The following LRRIQ1 variants were observed in gnomAD, a reference collection of about 807,000 sequenced individuals.
The protein encoded by LRRIQ1 is leucine rich repeats and IQ motif containing 1, also known as leucine-rich repeat- and IQ domain-containing protein 1.
LRRIQ1 carries 210 observed loss-of-function variants against 211.9 expected under a neutral mutation model. The ratio of observed to expected loss-of-function variants is 0.99; its 90% CI spans 0.89 to 1.11. LRRIQ1 has a LOEUF of 1.11. Ranked by LOEUF, LRRIQ1 falls within the 50% of genes most tolerant of loss-of-function variation. The probability of loss-of-function intolerance (pLI) is 0.00; values close to 1 mark genes in which losing one functional copy is unlikely to be tolerated. For missense variants in LRRIQ1, 2,136 were observed against 1,939.5 expected, an observed-to-expected ratio of 1.10 and a Z score of -1.90; for synonymous variants, 699 against 650.1, an observed-to-expected ratio of 1.08 and a Z score of -1.14.
intron 8 of LRRIQ1, among the ~76,000 whole-genome samples, chr12:85,058,347 C>T (rs777809129): frequency 2.6e-5 from 4 of 151,976 alleles, no homozygotes; most frequent in Non-Finnish European, 5.9e-5. Flanking sequence ...TTTTTCCTTG[C>T]GCATGTTATC....
chr12:85,095,797 C>CT (rs1048433246), intron 11 of LRRIQ1, among the ~76,000 whole-genome samples: 2 of 151,798 alleles, frequency 1.3e-5, no homozygotes, highest in Middle Eastern at 3.4e-3. Context: ...TTTAGTTTTT[C>CT]TTTTTTTTAA....
intron 26 of LRRIQ1, among the ~76,000 whole-genome samples, chr12:85,241,397 A>G (rs1895452148): frequency 6.6e-6 from 1 of 152,072 alleles, no homozygotes; most frequent in Admixed American, 6.6e-5. Flanking sequence ...TTATGAATTT[A>G]GGAGTATGCA....
chr12:85,094,458 C>T (rs1404896841), intron 11 of LRRIQ1, among the ~76,000 whole-genome samples: 1 of 152,062 alleles, frequency 6.6e-6, no homozygotes, highest in Non-Finnish European at 1.5e-5. Flanking sequence ...ACTGCTATAT[C>T]CTGTCCCATT....
At chr12:85,044,368 G>A (rs1010429259) in intron 3 of LRRIQ1, among the ~76,000 whole-genome samples, 1 of 151,786 alleles carries the variant, frequency 6.6e-6, no homozygotes, top group African/African-American at 2.4e-5. Flanking sequence ...GTCATGTCTG[G>A]TTTGTGGCAG....
chr12:85,173,558 C>A (rs956195072), intron 24 of LRRIQ1, among the ~76,000 whole-genome samples: 3 of 152,018 alleles, frequency 2.0e-5, no homozygotes, highest in Non-Finnish European at 2.9e-5. Context: ...CTTACATGTG[C>A]AAATACACTC....
chr12:85,262,865 T>C, intron 1 of LRRIQ1: 2 of 848,468 alleles, frequency 2.4e-6, no homozygotes, highest in Non-Finnish European at 2.8e-6. Flanking sequence ...TAAAATATAA[T>C]GTATTTGGTT....
intron 6 of LRRIQ1, chr12:85,047,780 A>G (rs1467686087): frequency 8.9e-6 from 2 of 225,554 alleles, no homozygotes; most frequent in Non-Finnish European, 1.7e-5. Flanking sequence ...GCTTCTAAAC[A>G]TTGGAAAAAG....
chr12:85,182,761 A>G (rs966400913), intron 24 of LRRIQ1, among the ~76,000 whole-genome samples: 2 of 152,182 alleles, frequency 1.3e-5, no homozygotes, highest in African/African-American at 4.8e-5. Context: ...CCAGGATAAA[A>G]TAAACATAAG....
chr12:85,232,131 C>A (rs1894971749), intron 25 of LRRIQ1, among the ~76,000 whole-genome samples: 1 of 151,668 alleles, frequency 6.6e-6, no homozygotes, highest in African/African-American at 2.4e-5. Flanking sequence ...AAATTTTAAA[C>A]AATAAGCAAT....
At chr12:85,266,035 T>C (rs1414317171), downstream of LRRIQ1, among the ~76,000 whole-genome samples, 1 of 152,090 alleles carries the variant, frequency 6.6e-6, no homozygotes, top group Non-Finnish European at 1.5e-5. Context: ...TAACCCTCCA[T>C]TGTGGTTCTA....
At chr12:85,089,534 T>C (rs1885165577) in intron 11 of LRRIQ1, among the ~76,000 whole-genome samples, 1 of 152,194 alleles carries the variant, frequency 6.6e-6, no homozygotes, top group South Asian at 2.1e-4. Context: ...TATGGGGAAT[T>C]GGCAAGATTA....
At chr12:85,198,041 ATATAT>A (rs1339829892) in intron 24 of LRRIQ1, among the ~76,000 whole-genome samples, 4 of 31,138 alleles carry the variant, frequency 1.3e-4, no homozygotes, top group Admixed American at 9.6e-4. Flanking sequence ...AACATATATA[ATATAT>A]TATATAATTA....
intron 26 of LRRIQ1, among the ~76,000 whole-genome samples, chr12:85,242,252 A>T (rs761726463): frequency 1.3e-5 from 2 of 152,010 alleles, no homozygotes; most frequent in Admixed American, 1.3e-4. Flanking sequence ...GTGATCAGTT[A>T]TCTTCAGGTT....
intron 26 of LRRIQ1, among the ~76,000 whole-genome samples, chr12:85,238,894 T>G (rs781660731): frequency 6.6e-6 from 1 of 152,152 alleles, no homozygotes; most frequent in African/African-American, 2.4e-5. Context: ...ACAAACAGTT[T>G]AGACATAAGT....
intron 2 of LRRIQ1, among the ~76,000 whole-genome samples, chr12:85,039,617 T>C (rs1343617151): frequency 2.6e-5 from 4 of 151,654 alleles, no homozygotes; most frequent in African/African-American, 7.2e-5. Context: ...ATTCCATTAG[T>C]TAGGATAGAG....
chr12:85,217,457 G>C (rs1328798859), intron 24 of LRRIQ1, among the ~76,000 whole-genome samples: 1 of 114,212 alleles, frequency 8.8e-6, no homozygotes, highest in Admixed American at 9.7e-5. Flanking sequence ...GATAGAGCAG[G>C]GACCTGAAGT....
intron 7 of LRRIQ1, among the ~76,000 whole-genome samples, chr12:85,053,727 A>C (rs998433272): frequency 2.0e-5 from 3 of 152,112 alleles, no homozygotes; most frequent in Non-Finnish European, 4.4e-5. Flanking sequence ...TTGTTTTTTA[A>C]GATGGAGTCT....
chr12:85,125,180 AAAAT>A (rs1163774182), intron 17 of LRRIQ1, among the ~76,000 whole-genome samples: 1 of 152,168 alleles, frequency 6.6e-6, no homozygotes, highest in East Asian at 1.9e-4. Context: ...CTCCATCTCA[AAAAT>A]AAATAAATAA....
intron 15 of LRRIQ1, among the ~76,000 whole-genome samples, chr12:85,110,504 A>G (rs1887097644): frequency 6.6e-6 from 1 of 152,138 alleles, no homozygotes; most frequent in Admixed American, 6.6e-5. Flanking sequence ...GAGCCAGGAA[A>G]TCTAACTCAT....
Sources: allele counts gnomAD v4.1 joint callset (sites outside exome capture counted in the v4.1 genomes callset), GRCh38; gene constraint gnomAD v4.1.1; transcripts MANE v1.5; gene names NCBI Gene and HGNC (gene_info 2026-07-23, HGNC 2026-07-21).